Variants in CRPPA observed in about 807,000 individuals in gnomAD.
CRPPA encodes CDP-L-ribitol pyrophosphorylase A.
In CRPPA, 43 loss-of-function variants were observed where a neutral mutation model predicts 52.0. The ratio of observed to expected loss-of-function variants is 0.83; its 90% CI spans 0.65 to 1.07. The LOEUF (loss-of-function observed/expected upper bound fraction) is 1.07, where lower values mean the gene tolerates loss of function less well. CRPPA is among the 50% of genes least tolerant of loss of function. CRPPA has a pLI of 0.00. For synonymous variants in CRPPA, 250 were observed against 203.5 expected, an observed-to-expected ratio of 1.23 and a Z score of -1.94; for missense variants, 629 against 551.7, an observed-to-expected ratio of 1.14 and a Z score of -1.40.
intron 9 of CRPPA, among the ~76,000 whole-genome samples, chr7:16,192,308 G>T (rs549176785): frequency 1.3e-5 from 2 of 152,126 alleles, no homozygotes; most frequent in South Asian, 4.1e-4. Context: ...AGAACCCTGA[G>T]TGATATGTAA....
chr7:16,364,446 C>G (rs1197315721), intron 3 of CRPPA, among the ~76,000 whole-genome samples: 1 of 152,152 alleles, frequency 6.6e-6, no homozygotes, highest in Non-Finnish European at 1.5e-5. Context: ...GAAGAACTCT[C>G]CATTCCATTT....
intron 9 of CRPPA, among the ~76,000 whole-genome samples, chr7:16,126,322 T>A (rs1035705193): frequency 2.6e-5 from 4 of 152,066 alleles, no homozygotes; most frequent in Non-Finnish European, 4.4e-5. Context: ...TTCTGGGAAA[T>A]CCTAGAAGGA....
chr7:16,209,472 A>G (rs1782073588), intron 9 of CRPPA, among the ~76,000 whole-genome samples: 1 of 151,932 alleles, frequency 6.6e-6, no homozygotes, highest in South Asian at 2.1e-4. Context: ...GGGTTTCACA[A>G]TGTTGGCCAG....
At chr7:16,136,877 A>C (rs2128374359) in intron 9 of CRPPA, among the ~76,000 whole-genome samples, 1 of 142,342 alleles carries the variant, frequency 7.0e-6, no homozygotes, top group Middle Eastern at 3.7e-3. Context: ...GATATCTAAA[A>C]GTATTCCCTA....
intron 1 of CRPPA, among the ~76,000 whole-genome samples, chr7:16,414,893 A>G (rs944231297): frequency 6.6e-6 from 1 of 152,210 alleles, no homozygotes; most frequent in Non-Finnish European, 1.5e-5. Flanking sequence ...ATTCTGGACT[A>G]CCATTCTTTA....
rs114997346 is a variant in CRPPA at position 16,095,964 on chromosome 7, C to A, written c.1252-4165G>T. ...AGAGATTTTTGAGGCCCCACTGTGC[C>A]AAGGAGCAGGAGGTTAAATCTGAGT... On this transcript the variant is annotated intron_variant, in intron 9 of 9. Coordinates refer to ENST00000407010, the MANE Select transcript of CRPPA (RefSeq NM_001101426.4). Among the ~76,000 whole-genome samples, 1,023 of 152,180 alleles carry A rather than the reference C, an allele frequency of 6.7e-3. 14 individuals are homozygous for A. The highest frequency in any genetic ancestry group is 0.024 in the African/African-American group (980 of 41,506).
intron 3 of CRPPA, among the ~76,000 whole-genome samples, chr7:16,342,792 T>TAG (rs764068705): frequency 0.36 from 33,079 of 91,514 alleles, 9,612 homozygotes; most frequent in Middle Eastern, 0.48. Flanking sequence ...AATATATATA[T>TAG]ATATATCTAT....
At chr7:16,291,307 T>C (rs1467495847) in intron 5 of CRPPA, among the ~76,000 whole-genome samples, 1 of 151,988 alleles carries the variant, frequency 6.6e-6, no homozygotes, top group Non-Finnish European at 1.5e-5. Flanking sequence ...GTTGCAGCAC[T>C]CTTCATAATA....
chr7:16,247,007 C>T (rs1337064394), intron 8 of CRPPA, among the ~76,000 whole-genome samples: 1 of 152,234 alleles, frequency 6.6e-6, no homozygotes, highest in Non-Finnish European at 1.5e-5. Context: ...GCATGTTCTT[C>T]CAATAGAAGG....
At chr7:16,111,410 C>A (rs560171019) in intron 9 of CRPPA, among the ~76,000 whole-genome samples, 1 of 152,104 alleles carries the variant, frequency 6.6e-6, no homozygotes, top group East Asian at 1.9e-4. Context: ...TTCTGAAATC[C>A]CACTTCTGGA....
chr7:16,382,093 T>C (rs1787109147), intron 2 of CRPPA, among the ~76,000 whole-genome samples: 1 of 152,106 alleles, frequency 6.6e-6, no homozygotes, highest in South Asian at 2.1e-4. Context: ...GCCTTGATGG[T>C]CTTTATAATT....
At chr7:16,362,882 T>C (rs977312785) in intron 3 of CRPPA, among the ~76,000 whole-genome samples, 6 of 152,204 alleles carry the variant, frequency 3.9e-5, no homozygotes, top group Non-Finnish European at 8.8e-5. Flanking sequence ...GTTTTTCTGC[T>C]TTTGATAATC....
chr7:16,258,804 A>G, intron 7 of CRPPA, 116 bp downstream of exon 7: 1 of 616,538 alleles, frequency 1.6e-6, no homozygotes. Flanking sequence ...TAAAATCTCC[A>G]AAAATGTGTA....
chr7:16,210,031 T>G (rs933737409), intron 9 of CRPPA, among the ~76,000 whole-genome samples: 1 of 152,324 alleles, frequency 6.6e-6, no homozygotes, highest in African/African-American at 2.4e-5. Flanking sequence ...CTGATCCAAA[T>G]CAAGCTCTTT....
At chr7:16,274,750 G>A (rs1462988079) in intron 6 of CRPPA, among the ~76,000 whole-genome samples, 3 of 151,938 alleles carry the variant, frequency 2.0e-5, no homozygotes, top group East Asian at 1.9e-4. Context: ...ATTTATAGAC[G>A]AATTAGATAC....
At chr7:16,391,987 T>C (rs1347909855) in intron 2 of CRPPA, among the ~76,000 whole-genome samples, 1 of 152,172 alleles carries the variant, frequency 6.6e-6, no homozygotes, top group Non-Finnish European at 1.5e-5. Context: ...GTAAGACACC[T>C]AACTTGCTTC....
At chr7:16,343,262 T>G (rs67470262) in intron 3 of CRPPA, among the ~76,000 whole-genome samples, 34,523 of 151,910 alleles carry the variant, frequency 0.23, 4,321 homozygotes, top group Non-Finnish European at 0.3. Flanking sequence ...GGATGTTTAT[T>G]CAGGTATAAA....
intron 6 of CRPPA, among the ~76,000 whole-genome samples, chr7:16,267,490 A>G (rs1347836679): frequency 6.6e-6 from 1 of 152,178 alleles, no homozygotes; most frequent in Non-Finnish European, 1.5e-5. Context: ...AATCCACATT[A>G]ATCTAAAAGT....
intron 3 of CRPPA, among the ~76,000 whole-genome samples, chr7:16,337,051 C>G (rs1785700837): frequency 6.6e-6 from 1 of 151,972 alleles, no homozygotes; most frequent in Admixed American, 6.6e-5. Flanking sequence ...CTCTATATCC[C>G]ACTTTCAAAA....
Sources: allele counts gnomAD v4.1 joint callset (sites outside exome capture counted in the v4.1 genomes callset), GRCh38; gene constraint gnomAD v4.1.1; transcripts MANE v1.5; gene names NCBI Gene and HGNC (gene_info 2026-07-23, HGNC 2026-07-21).